The following MIOS variants were observed in gnomAD, a reference collection of about 807,000 sequenced individuals.
The protein encoded by MIOS is meiosis regulator for oocyte development.
MIOS carries 52 observed loss-of-function variants against 96.9 expected under a neutral mutation model. The ratio of observed to expected loss-of-function variants is 0.54; its 90% CI spans 0.43 to 0.68. The LOEUF (loss-of-function observed/expected upper bound fraction) is 0.68, where lower values mean the gene tolerates loss of function less well. Ranked by LOEUF, MIOS falls within the 30% of genes least tolerant of loss-of-function variation. The pLI, the probability that MIOS is intolerant of heterozygous loss-of-function variation, is 0.00. For missense variants in MIOS, 1,005 were observed against 1,052.8 expected (o/e 0.95, Z 0.63); for synonymous variants, 397 against 359.5 (o/e 1.10, Z -1.18).
intron 3 of MIOS, among the ~76,000 whole-genome samples, chr7:7,569,162 G>A (rs1771551295): frequency 6.6e-6 from 1 of 152,156 alleles, no homozygotes; most frequent in Admixed American, 6.5e-5. Flanking sequence ...TCCTTTGTGG[G>A]GGTATGAGTA....
At chr7:7,597,514 ATAT>A (rs1784248989) in intron 11 of MIOS, among the ~76,000 whole-genome samples, 6 of 49,570 alleles carry the variant, frequency 1.2e-4, no homozygotes, top group African/African-American at 5.9e-4. Flanking sequence ...ATATATATAT[ATAT>A]GAAGGCAATA....
In MIOS at chr7:7,572,669, G is replaced by A. The variant is rs955701689; in HGVS notation, c.194G>A (p.Cys65Tyr). 8 of 1,614,158 alleles carry A rather than the reference G, an allele frequency of 5.0e-6. No individual in the cohort carries two copies. The highest frequency in any genetic ancestry group is 6.8e-6 in the Non-Finnish European group (8 of 1,180,004). The part of the protein sequence containing the change: ...SINSDTPYMK[C>Y]VAWYLNYDPE... Reference sequence around the variant, plus strand: ...AATTCAGATACACCCTATATGAAATGTGTTGCCTGGTATCTTAATTATGAT... The same window carrying A: ...AATTCAGATACACCCTATATGAAATATGTTGCCTGGTATCTTAATTATGAT... Residue 65 changes from cysteine to tyrosine, a missense_variant, in exon 4 of 13, where the codon TGT becomes TAT. By Grantham distance (194) the Cys-to-Tyr change is radical. This residue lies in a region of MIOS where 137 missense variants were observed against 148.6 expected (regional missense o/e 0.92). Coordinates refer to ENST00000340080, the MANE Select transcript of MIOS (RefSeq NM_019005.4). The surrounding 1 kb of genome is among the most constrained non-coding windows in gnomAD (Gnocchi z 4.8).
chr7:7,604,323 A>G (rs1784465645), intron 11 of MIOS, among the ~76,000 whole-genome samples: 1 of 152,154 alleles, frequency 6.6e-6, no homozygotes, highest in African/African-American at 2.4e-5. Flanking sequence ...TTGTGATTCA[A>G]ATAGCTGGAA....
intron 5 of MIOS, among the ~76,000 whole-genome samples, chr7:7,578,431 A>G (rs112950514): frequency 3.3e-5 from 5 of 152,306 alleles, no homozygotes; most frequent in African/African-American, 7.2e-5. Flanking sequence ...AGGTTGAGAT[A>G]GGAGGATCGC....
intron 3 of MIOS, among the ~76,000 whole-genome samples, chr7:7,568,676 T>G (rs193011444): frequency 5.3e-5 from 8 of 152,336 alleles, no homozygotes; most frequent in Admixed American, 4.6e-4. Context: ...CATTGTTATT[T>G]TGCACCACGT....
intron 11 of MIOS, among the ~76,000 whole-genome samples, chr7:7,600,279 T>C (rs1262322165): frequency 6.6e-6 from 1 of 151,870 alleles, no homozygotes; most frequent in Non-Finnish European, 1.5e-5. Context: ...TGCTGGATAA[T>C]TGGATAAAGA....
At chr7:7,574,015 T>C in intron 4 of MIOS, 83 bp from the exon 5 acceptor site, 1 of 1,135,130 alleles carries the variant, frequency 8.8e-7, no homozygotes, top group Middle Eastern at 2.0e-4. Flanking sequence ...TGATACTTAT[T>C]ATGAATTGGC....
chr7:7,592,714 C>T (rs972729223), intron 9 of MIOS, among the ~76,000 whole-genome samples: 2 of 151,988 alleles, frequency 1.3e-5, no homozygotes, highest in South Asian at 4.1e-4. Flanking sequence ...CAGTAGGGTT[C>T]ACTGTCCTAT....
Position 7,573,837 on chromosome 7 carries a change from T to G in MIOS, c.1294+68T>G. The G allele has an allele frequency of 7.2e-7, 1 of 1,388,464 alleles. No individual in the cohort carries two copies. The highest frequency in any genetic ancestry group is 1.4e-5 in the South Asian group (1 of 70,972). 86.0% of individuals were successfully genotyped at this position (1,388,464 alleles called of 1,614,324 possible). A position where few individuals can be genotyped will look rare whatever the true frequency, so the allele number is the denominator to read the frequency against. On this transcript the variant is annotated intron_variant, in intron 4 of 12. Transcript: ENST00000340080. The surrounding 1 kb of genome is among the most constrained non-coding windows in gnomAD (Gnocchi z 5.0). ...AATGTTCTTGAAGTTTGCCAAAAGGTCAGTCTGTAAATATGCTCAATGTTT... is the reference window on the plus strand; with the variant it reads ...AATGTTCTTGAAGTTTGCCAAAAGGGCAGTCTGTAAATATGCTCAATGTTT...
chr7:7,592,112 C>A (rs1418360206), intron 9 of MIOS, among the ~76,000 whole-genome samples: 1 of 152,130 alleles, frequency 6.6e-6, no homozygotes, highest in African/African-American at 2.4e-5. Flanking sequence ...CCTCAGCCTC[C>A]CGAGTAGCTG....
In MIOS at chr7:7,583,267, C is replaced by A. The variant is rs758834768; in HGVS notation, c.1543C>A (p.Leu515Ile). 1.4e-5 allele frequency: 22 copies of A among 1,614,004 alleles called. No homozygotes were observed. The highest frequency in any genetic ancestry group is 1.7e-5 in the Non-Finnish European group (20 of 1,179,982). ...AGACGTGGGGCCATTTTTGAACTCC[C>A]TTGTACAAGAAGGGGAATGGGAAAG... ...DVDVGPFLNSLVQEGEWERAA... is the reference protein window; with the variant it reads ...DVDVGPFLNSIVQEGEWERAA... Residue 515 changes from leucine to isoleucine, a missense_variant, in exon 6 of 13, where the codon CTT becomes ATT. Leu to Ile is a conservative substitution (Grantham distance 5). Around this residue, in one of 3 missense-constraint regions of MIOS, gnomAD observed 865 missense variants for 887.9 expected, o/e 0.97. Coordinates refer to ENST00000340080, the MANE Select transcript of MIOS (RefSeq NM_019005.4).
chr7:7,599,886 A>G (rs532408024), intron 11 of MIOS, among the ~76,000 whole-genome samples: 2 of 152,308 alleles, frequency 1.3e-5, no homozygotes, highest in African/African-American at 2.4e-5. Context: ...AGCAGCATGG[A>G]TAGAGCTGGA....
chr7:7,594,532 T>C (rs1298166686), intron 9 of MIOS, among the ~76,000 whole-genome samples: 2 of 152,156 alleles, frequency 1.3e-5, no homozygotes, highest in Non-Finnish European at 2.9e-5. Context: ...TGACGTCAAG[T>C]GATCCGCCTA....
At chr7:7,567,186 C>T (rs907084784) in intron 1 of MIOS, 114 bp downstream of exon 1, 2 of 152,086 alleles carry the variant, frequency 1.3e-5, no homozygotes, top group Non-Finnish European at 2.9e-5. Context: ...GAGCGCGTTC[C>T]GCGCTGTAGG....
intron 11 of MIOS, among the ~76,000 whole-genome samples, chr7:7,602,213 G>T (rs1432789276): frequency 6.6e-6 from 1 of 152,202 alleles, no homozygotes; most frequent in East Asian, 1.9e-4. Flanking sequence ...AGTGTTGGAA[G>T]TTCTGGCCAG....
At chr7:7,591,503 C>T (rs895247766) in intron 9 of MIOS, among the ~76,000 whole-genome samples, 3 of 152,146 alleles carry the variant, frequency 2.0e-5, no homozygotes, top group East Asian at 3.9e-4. Flanking sequence ...TGGTCTCAAA[C>T]TCCTGACCTC....
chr7:7,567,395 C>T (rs1487503256), intron 1 of MIOS: 1 of 152,414 alleles, frequency 6.6e-6, no homozygotes, highest in South Asian at 2.1e-4. Flanking sequence ...GAGAGTCGGA[C>T]TCAGATTCCT....
chr7:7,594,126 G>A (rs10807958), intron 9 of MIOS, among the ~76,000 whole-genome samples: 150,421 of 152,216 alleles, frequency 0.99, 74,331 homozygotes, highest in East Asian at 1. Context: ...TTCTTGTTCT[G>A]TTATTATTTT....
chr7:7,585,021 C>T (rs765513826), intron 6 of MIOS, among the ~76,000 whole-genome samples: 5 of 152,050 alleles, frequency 3.3e-5, no homozygotes, highest in Non-Finnish European at 7.4e-5. Context: ...ATATTACTTT[C>T]TGCACTTTGC....
Sources: gnomAD v4.1 joint callset for allele counts (sites outside exome capture counted in the v4.1 genomes callset) on GRCh38, gnomAD v4.1.1 for gene constraint, gnomAD v4.1.1 regional missense constraint, Gnocchi (gnomAD v3.1) non-coding constraint, MANE v1.5 for transcripts, NCBI Gene and HGNC (gene_info 2026-07-23, HGNC 2026-07-21) for gene names.